SCHIP1: variants seen among roughly 807,000 people sequenced by gnomAD.
The protein encoded by SCHIP1 is schwannomin interacting protein 1.
SCHIP1 carries 8 observed loss-of-function variants against 29.7 expected under a neutral mutation model. The ratio of observed to expected loss-of-function variants is 0.27; its 90% CI spans 0.16 to 0.49. SCHIP1 has a LOEUF of 0.49. SCHIP1 is among the 20% of genes least tolerant of loss of function. SCHIP1 has a pLI of 0.99. For missense variants in SCHIP1, 193 were observed against 294.6 expected (o/e 0.66, Z 2.52); for synonymous variants, 76 against 94.9 (o/e 0.80, Z 1.16).
At chr3:159,505,041 G>A in the SCHIP1 span, among the ~76,000 whole-genome samples, 1 of 152,170 alleles carries the variant, frequency 6.6e-6, no homozygotes, top group Non-Finnish European at 1.5e-5. Flanking sequence ...AATAGCATCT[G>A]CAAAGACCAG....
the SCHIP1 span, among the ~76,000 whole-genome samples, chr3:159,522,497 G>T: frequency 6.6e-6 from 1 of 152,170 alleles, no homozygotes; most frequent in Admixed American, 6.5e-5. Flanking sequence ...GGCATCTATT[G>T]CTCTATGAAT....
the SCHIP1 span, among the ~76,000 whole-genome samples, chr3:159,482,959 T>C: frequency 6.6e-6 from 1 of 152,108 alleles, no homozygotes; most frequent in African/African-American, 2.4e-5. Flanking sequence ...GGACTGGATT[T>C]AAGGAAGGGC....
At chr3:159,812,161 G>A in the SCHIP1 span, among the ~76,000 whole-genome samples, 2 of 151,842 alleles carry the variant, frequency 1.3e-5, no homozygotes, top group Non-Finnish European at 2.9e-5. Flanking sequence ...AGTAGAGACG[G>A]GGTTTCACCA....
chr3:159,792,183 T>A, the SCHIP1 span, among the ~76,000 whole-genome samples: 1 of 152,186 alleles, frequency 6.6e-6, no homozygotes, highest in Non-Finnish European at 1.5e-5. Flanking sequence ...CTCCTTGTAT[T>A]GTATTCAGCT....
the SCHIP1 span, among the ~76,000 whole-genome samples, chr3:159,505,587 A>G: frequency 6.6e-6 from 1 of 152,124 alleles, no homozygotes; most frequent in Non-Finnish European, 1.5e-5. Context: ...CTCATCATCT[A>G]CATTAGGTAC....
chr3:159,781,161 A>AGAG, the SCHIP1 span, among the ~76,000 whole-genome samples: 2 of 152,138 alleles, frequency 1.3e-5, no homozygotes, highest in African/African-American at 4.8e-5. Flanking sequence ...TTCTGAATCC[A>AGAG]TTTTGGAGCA....
At chr3:159,875,493 A>T (rs984179056) in intron 2 of SCHIP1, among the ~76,000 whole-genome samples, 5 of 152,210 alleles carry the variant, frequency 3.3e-5, no homozygotes, top group African/African-American at 1.2e-4. Flanking sequence ...CTGAATGTTT[A>T]ATTAAAAGAG....
At chr3:159,367,599 G>C in the SCHIP1 span, among the ~76,000 whole-genome samples, 1 of 152,100 alleles carries the variant, frequency 6.6e-6, no homozygotes, top group Admixed American at 6.6e-5. Flanking sequence ...CTGCATATCA[G>C]ATACTTTGCT....
chr3:159,383,385 T>A, the SCHIP1 span, among the ~76,000 whole-genome samples: 1 of 150,980 alleles, frequency 6.6e-6, no homozygotes, highest in Non-Finnish European at 1.5e-5. Flanking sequence ...CATTGCTTGT[T>A]TTTCTCAGGT....
the SCHIP1 span, among the ~76,000 whole-genome samples, chr3:159,497,467 A>AACC: frequency 6.6e-6 from 1 of 151,912 alleles, no homozygotes; most frequent in East Asian, 1.9e-4. Context: ...TAATCTTCAA[A>AACC]ACCACCCCCA....
chr3:159,531,756 G>A, the SCHIP1 span, among the ~76,000 whole-genome samples: 1 of 152,128 alleles, frequency 6.6e-6, no homozygotes, highest in South Asian at 2.1e-4. Flanking sequence ...AGCTCTGTTT[G>A]GCTATTTAAC....
chr3:159,843,001 CTTTTTTT>C (rs566940351), intron 1 of SCHIP1, among the ~76,000 whole-genome samples: 22 of 63,732 alleles, frequency 3.5e-4, no homozygotes, highest in Admixed American at 1.2e-3. Context: ...ATATTTCTTT[CTTTTTTT>C]TTTTTTTTTT....
intron 1 of SCHIP1, chr3:159,846,174 A>G (rs888170633): frequency 1.3e-5 from 2 of 152,220 alleles, no homozygotes; most frequent in African/African-American, 4.8e-5. Context: ...TGAGTTTTGC[A>G]AAGTTTTAAT....
At chr3:159,302,953 A>ACACAAAT in the SCHIP1 span, among the ~76,000 whole-genome samples, 2 of 152,210 alleles carry the variant, frequency 1.3e-5, no homozygotes, top group Non-Finnish European at 2.9e-5. Flanking sequence ...CTAATAAGGA[A>ACACAAAT]CACAAATAAT....
intron 1 of SCHIP1, among the ~76,000 whole-genome samples, chr3:159,848,031 G>A (rs1036268611): frequency 2.0e-5 from 3 of 152,188 alleles, no homozygotes; most frequent in African/African-American, 7.2e-5. Flanking sequence ...AAAATCTTTT[G>A]ACAGTGCATA....
At chr3:159,817,795 G>A in the SCHIP1 span, among the ~76,000 whole-genome samples, 54 of 152,246 alleles carry the variant, frequency 3.5e-4, no homozygotes, top group African/African-American at 1.2e-3. Context: ...CTGTGTGCAA[G>A]ACCCGCCAGT....
the SCHIP1 span, among the ~76,000 whole-genome samples, chr3:159,656,401 C>A: frequency 6.6e-6 from 1 of 152,120 alleles, no homozygotes; most frequent in African/African-American, 2.4e-5. Context: ...TTCTTGCTGC[C>A]CCCACAACCT....
chr3:159,864,573 A>G (rs544628080), intron 1 of SCHIP1, among the ~76,000 whole-genome samples: 1 of 152,134 alleles, frequency 6.6e-6, no homozygotes, highest in Admixed American at 6.6e-5. Context: ...GGGGTGCTAT[A>G]TATATAGACA....
the SCHIP1 span, among the ~76,000 whole-genome samples, chr3:159,823,519 T>C: frequency 6.6e-6 from 1 of 152,138 alleles, no homozygotes; most frequent in East Asian, 1.9e-4. Flanking sequence ...ATGATGACAA[T>C]GTCAGGGCCA....
Sources: gnomAD v4.1 joint callset for allele counts (sites outside exome capture counted in the v4.1 genomes callset) on GRCh38, gnomAD v4.1.1 for gene constraint, MANE v1.5 for transcripts, NCBI Gene and HGNC (gene_info 2026-07-23, HGNC 2026-07-21) for gene names.